The following NALF1 variants were observed in gnomAD, a reference collection of about 807,000 sequenced individuals.
NALF1 encodes the protein NALCN channel auxiliary factor 1.
A neutral mutation model predicts 48.4 loss-of-function variants in NALF1; 3 were observed. The ratio of observed to expected loss-of-function variants is 0.06; its 90% CI spans 0.03 to 0.16. NALF1 has a LOEUF of 0.16. Ranked by LOEUF, NALF1 falls within the 10% of genes least tolerant of loss-of-function variation. The pLI, the probability that NALF1 is intolerant of heterozygous loss-of-function variation, is 1.00. For missense variants in NALF1, 526 were observed against 571.5 expected (o/e 0.92, Z 0.81); for synonymous variants, 262 against 245.7 (o/e 1.07, Z -0.62).
chr13:107,257,518 A>G (rs532581932), intron 1 of NALF1, among the ~76,000 whole-genome samples: 1 of 116,530 alleles, frequency 8.6e-6, no homozygotes, highest in East Asian at 2.5e-4. Flanking sequence ...TTTGAATTTG[A>G]TATCATCTAG....
chr13:107,734,219 C>CA (rs1215084920), intron 1 of NALF1, among the ~76,000 whole-genome samples: 1 of 152,074 alleles, frequency 6.6e-6, no homozygotes, highest in Non-Finnish European at 1.5e-5. Context: ...TGGCAGGGCA[C>CA]ATGACCGTCT....
In NALF1 at chr13:107,169,586, G is replaced by T. The variant is rs905621144; in HGVS notation, c.*911C>A. The T allele has an allele frequency of 6.6e-6, 1 of 152,202 alleles. No homozygotes were observed. 9.4% of individuals were successfully genotyped at this position (152,202 alleles called of 1,614,324 possible). A position where few individuals can be genotyped will look rare whatever the true frequency, so the allele number is the denominator to read the frequency against. ...CTGTCCAACTGGACCAGCAAGAAAG[G>T]GCTGGGCCACTTGGGGATGGGAACT... On this transcript the variant is annotated 3_prime_UTR_variant, in exon 3 of 3. Transcript: ENST00000375915.
chr13:107,697,585 G>A (rs1396218098), intron 1 of NALF1, among the ~76,000 whole-genome samples: 1 of 151,674 alleles, frequency 6.6e-6, no homozygotes, highest in Non-Finnish European at 1.5e-5. Context: ...TGTGTCTTTT[G>A]TTTGGTCCTG....
At chr13:107,191,724 G>A (rs1326083967) in intron 2 of NALF1, among the ~76,000 whole-genome samples, 1 of 151,220 alleles carries the variant, frequency 6.6e-6, no homozygotes, top group African/African-American at 2.4e-5. Context: ...CTGGAGTGCA[G>A]TGAGTGGTGC....
intron 1 of NALF1, among the ~76,000 whole-genome samples, chr13:107,617,839 A>G (rs1879420341): frequency 1.3e-5 from 2 of 152,214 alleles, no homozygotes; most frequent in Admixed American, 1.3e-4. Flanking sequence ...TGCTGACCCA[A>G]TCGACCATAA....
At chr13:107,245,870 G>A (rs1880572022) in intron 1 of NALF1, among the ~76,000 whole-genome samples, 1 of 151,948 alleles carries the variant, frequency 6.6e-6, no homozygotes, top group Non-Finnish European at 1.5e-5. Context: ...TGATTCTACT[G>A]AGATCTGGCC....
At chr13:107,294,005 G>A (rs756430375) in intron 1 of NALF1, among the ~76,000 whole-genome samples, 3 of 152,184 alleles carry the variant, frequency 2.0e-5, no homozygotes, top group Non-Finnish European at 2.9e-5. Context: ...TGTTAGCTAC[G>A]TCTCTAGATG....
intron 1 of NALF1, among the ~76,000 whole-genome samples, chr13:107,568,120 C>T (rs969280812): frequency 6.6e-6 from 1 of 152,026 alleles, no homozygotes; most frequent in East Asian, 1.9e-4. Flanking sequence ...TGGCACATCA[C>T]GCATGCACCA....
intron 1 of NALF1, among the ~76,000 whole-genome samples, chr13:107,831,156 T>C (rs1204072324): frequency 2.6e-5 from 4 of 152,202 alleles, no homozygotes; most frequent in Non-Finnish European, 5.9e-5. Flanking sequence ...ATTTTCATTA[T>C]CCACATTTCA....
At chr13:107,367,999 T>C (rs560489091) in intron 1 of NALF1, among the ~76,000 whole-genome samples, 2 of 152,362 alleles carry the variant, frequency 1.3e-5, no homozygotes, top group South Asian at 4.1e-4. Context: ...GTGGGAATAC[T>C]TTCATGTGAA....
intron 1 of NALF1, among the ~76,000 whole-genome samples, chr13:107,585,667 T>C (rs543202950): frequency 1.3e-5 from 2 of 152,278 alleles, no homozygotes; most frequent in South Asian, 4.1e-4. Context: ...TACTTCCTGC[T>C]TGCTGGGGCC....
chr13:107,827,990 G>C (rs752437004), intron 1 of NALF1, among the ~76,000 whole-genome samples: 1 of 152,104 alleles, frequency 6.6e-6, no homozygotes, highest in Non-Finnish European at 1.5e-5. Context: ...GGTAGGAAGC[G>C]TTTTGTCCCT....
chr13:107,279,166 T>G (rs1410776161), intron 1 of NALF1, among the ~76,000 whole-genome samples: 1 of 152,124 alleles, frequency 6.6e-6, no homozygotes, highest in Non-Finnish European at 1.5e-5. Context: ...CTTCTCCTTT[T>G]CTCAAAACAT....
intron 1 of NALF1, among the ~76,000 whole-genome samples, chr13:107,824,441 T>C (rs74112653): frequency 0.014 from 2,121 of 152,344 alleles, 36 homozygotes; most frequent in African/African-American, 0.031. Flanking sequence ...ACCTGCATTT[T>C]GGATGATGCG....
chr13:107,585,517 TTTTTC>T (rs576590970), intron 1 of NALF1, among the ~76,000 whole-genome samples: 76 of 152,300 alleles, frequency 5.0e-4, no homozygotes, highest in African/African-American at 1.6e-3. Flanking sequence ...AGCTTCTGTG[TTTTTC>T]TTTTCTTAAG....
chr13:107,551,128 C>T (rs1008850002), intron 1 of NALF1, among the ~76,000 whole-genome samples: 9 of 152,090 alleles, frequency 5.9e-5, no homozygotes, highest in African/African-American at 2.2e-4. Context: ...GGTCGTACTG[C>T]GTCTGAAGTA....
At chr13:107,414,962 G>A (rs867842422) in intron 1 of NALF1, among the ~76,000 whole-genome samples, 10 of 147,978 alleles carry the variant, frequency 6.8e-5, no homozygotes, top group Non-Finnish European at 1.4e-4. Flanking sequence ...AGAAGCAAGC[G>A]TTTCAAAACT....
chr13:107,201,168 CATCT>C (rs10596555), intron 2 of NALF1, among the ~76,000 whole-genome samples: 24,869 of 150,476 alleles, frequency 0.17, 4,005 homozygotes, highest in African/African-American at 0.42. Flanking sequence ...ATCTATCTAT[CATCT>C]ATCTATCTAT....
chr13:107,163,944 T>G lies in NALF1; in HGVS notation c.*6553A>C, dbSNP rs1346708578. Reference sequence around the variant, plus strand: ...TTTTCTTTTAACGTCCATATAGAGCTTTAACTTTTGCTGTAGTTTATATTT... The same window carrying G: ...TTTTCTTTTAACGTCCATATAGAGCGTTAACTTTTGCTGTAGTTTATATTT... On this transcript the variant is annotated 3_prime_UTR_variant, in exon 3 of 3. Transcript: ENST00000375915. 1 of 152,210 alleles carries G rather than the reference T, an allele frequency of 6.6e-6. No individual in the cohort carries two copies. The highest frequency in any genetic ancestry group is 1.5e-5 in the Non-Finnish European group (1 of 68,032). 9.4% of individuals were successfully genotyped at this position (152,210 alleles called of 1,614,324 possible).
Sources: allele counts gnomAD v4.1 joint callset (sites outside exome capture counted in the v4.1 genomes callset), GRCh38; gene constraint gnomAD v4.1.1; transcripts MANE v1.5; gene names NCBI Gene and HGNC (gene_info 2026-07-23, HGNC 2026-07-21).